Variants in ZNF69 observed in about 807,000 individuals in gnomAD.
ZNF69 encodes the protein zinc finger protein 69.
A neutral mutation model predicts 50.9 loss-of-function variants in ZNF69; 47 were observed. The ratio of observed to expected loss-of-function variants is 0.92; its 90% CI spans 0.73 to 1.18. The LOEUF (loss-of-function observed/expected upper bound fraction) is 1.18, where lower values mean the gene tolerates loss of function less well. Ranked by LOEUF, ZNF69 falls within the 50% of genes most tolerant of loss-of-function variation. ZNF69 has a pLI of 0.00. For synonymous variants in ZNF69, 216 were observed against 223.1 expected, an observed-to-expected ratio of 0.97 and a Z score of 0.29; for missense variants, 717 against 675.1, an observed-to-expected ratio of 1.06 and a Z score of -0.69.
At position 11,904,044 on chromosome 19, in the gene ZNF69, G is replaced by T. The variant is rs183559735; in HGVS notation, c.251+79G>T. The T allele has an allele frequency of 4.5e-5, 67 of 1,477,076 alleles. No homozygotes were observed. In the East Asian group the frequency reaches 1.3e-3, roughly 28 times the overall value. 91.5% of individuals were successfully genotyped at this position (1,477,076 alleles called of 1,614,324 possible). Reference sequence around the variant, plus strand: ...GACAATATATTAAAAATAAGTAAAAGAACTAAGTCCAGGATCAAATACATT... The same window carrying T: ...GACAATATATTAAAAATAAGTAAAATAACTAAGTCCAGGATCAAATACATT... On this transcript the variant is annotated intron_variant, in intron 3 of 3. Transcript: ENST00000429654.
the ZNF69 span, among the ~76,000 whole-genome samples, chr19:11,976,342 A>G: frequency 1.3e-5 from 2 of 151,914 alleles, no homozygotes; most frequent in East Asian, 1.9e-4. Flanking sequence ...GTGAATGCAC[A>G]CATTTTCCCA....
chr19:11,969,987 C>T, the ZNF69 span, among the ~76,000 whole-genome samples: 1 of 152,182 alleles, frequency 6.6e-6, no homozygotes, highest in Admixed American at 6.5e-5. Context: ...GCCATGTCTC[C>T]TGGAGGGTCT....
At chr19:11,911,236 T>C (rs1166008466), downstream of ZNF69, among the ~76,000 whole-genome samples, 1 of 152,158 alleles carries the variant, frequency 6.6e-6, no homozygotes, top group Non-Finnish European at 1.5e-5. Context: ...GACTGTAAAC[T>C]AGTTCAACCA....
the ZNF69 span, among the ~76,000 whole-genome samples, chr19:11,925,502 C>T: frequency 9.2e-5 from 14 of 152,264 alleles, no homozygotes; most frequent in African/African-American, 3.4e-4. Flanking sequence ...GGCCGCGGCC[C>T]CTGCCCCGGA....
chr19:11,904,971 T>TGTG lies in ZNF69; in HGVS notation c.574_575insGTG (p.Tyr192delinsCysAsp). ...AAGGGATCACACTGGAGAGAAACCCTATGCTTGTAAAGAATGTGGAAAAAC... is the reference window on the plus strand; with the variant it reads ...AAGGGATCACACTGGAGAGAAACCCTGTGATGCTTGTAAAGAATGTGGAAAAAC... On this transcript the variant is annotated protein_altering_variant, in exon 4 of 4. Transcript: ENST00000429654. 6.2e-7 allele frequency: 1 copy of TGTG among 1,614,210 alleles called. No individual in the cohort carries two copies. Among genetic ancestry groups the TGTG allele is most frequent in the Non-Finnish European group, 8.5e-7 (1 of 1,180,030 alleles).
Position 11,905,041 on chromosome 19 carries a change from GT to G in ZNF69, c.645del (p.Ser215ArgfsTer137). 6.2e-7 allele frequency: 1 copy of G among 1,614,166 alleles called. No individual in the cohort carries two copies. The highest frequency in any genetic ancestry group is 8.5e-7 in the Non-Finnish European group (1 of 1,180,022). ...SSIQRHVVMH[S>X]GDGPYKCKFC... Reference sequence around the variant, plus strand: ...ATTCAAAGACACGTGGTAATGCACAGTGGGGATGGACCTTATAAATGTAAAT... The same window carrying G: ...ATTCAAAGACACGTGGTAATGCACAGGGGGATGGACCTTATAAATGTAAAT... On this transcript the variant is annotated frameshift_variant, in exon 4 of 4. Transcript: ENST00000429654. LOFTEE classifies it high-confidence loss of function.
chr19:11,926,216 T>G, the ZNF69 span, among the ~76,000 whole-genome samples: 70 of 152,190 alleles, frequency 4.6e-4, 1 homozygote, highest in Admixed American at 2.0e-4. Flanking sequence ...TGTAAGTTAG[T>G]ATCTTCTTGC....
chr19:11,958,298 T>A, the ZNF69 span, among the ~76,000 whole-genome samples: 1 of 152,170 alleles, frequency 6.6e-6, no homozygotes, highest in South Asian at 2.1e-4. Context: ...CAGGTCTAGA[T>A]GCAGTTGCTG....
downstream of ZNF69, among the ~76,000 whole-genome samples, chr19:11,919,003 C>A (rs867773424): frequency 6.6e-6 from 1 of 151,818 alleles, no homozygotes; most frequent in Non-Finnish European, 1.5e-5. Context: ...TCACGCCATT[C>A]TCCTGCCTCA....
At chr19:11,898,989 CTT>C in intron 1 of ZNF69, among the ~76,000 whole-genome samples, 1 of 152,300 alleles carries the variant, frequency 6.6e-6, no homozygotes, top group South Asian at 2.1e-4. Context: ...AGGCTTCACT[CTT>C]TGTGTTCTGT....
chr19:11,919,530 T>C, the ZNF69 span, among the ~76,000 whole-genome samples: 9 of 152,066 alleles, frequency 5.9e-5, no homozygotes, highest in African/African-American at 2.2e-4. Flanking sequence ...GGCCGAGGCA[T>C]GAGGATCCCT....
chr19:11,977,220 C>T, the ZNF69 span: 1 of 1,609,470 alleles, frequency 6.2e-7, no homozygotes, highest in Middle Eastern at 1.7e-4. Flanking sequence ...GTTTCTAGCT[C>T]ATGAATGCTG....
chr19:11,925,085 C>A, the ZNF69 span: 1 of 1,094,868 alleles, frequency 9.1e-7, no homozygotes. Flanking sequence ...ACAGTTCATC[C>A]GGAAATGGAG....
At chr19:11,957,853 A>G in the ZNF69 span, among the ~76,000 whole-genome samples, 1 of 152,058 alleles carries the variant, frequency 6.6e-6, no homozygotes, top group Non-Finnish European at 1.5e-5. Flanking sequence ...AAAAAAAGAA[A>G]AAAGTTCAGG....
At chr19:11,925,281 T>C in the ZNF69 span, 1 of 1,611,500 alleles carries the variant, frequency 6.2e-7, no homozygotes. Context: ...ATGGTGCGTG[T>C]GCGGGACCAG....
chr19:11,915,611 T>C (rs940590214), downstream of ZNF69, among the ~76,000 whole-genome samples: 2 of 152,080 alleles, frequency 1.3e-5, no homozygotes, highest in Admixed American at 6.6e-5. Context: ...AGAGTGACCA[T>C]TGAAAGCTCA....
At chr19:11,922,657 T>G in the ZNF69 span, among the ~76,000 whole-genome samples, 1 of 35,024 alleles carries the variant, frequency 2.9e-5, no homozygotes, top group Non-Finnish European at 5.3e-5. Flanking sequence ...TTCCATTGAC[T>G]GCAAGGAGGT....
In ZNF69 at chr19:11,903,594, G is replaced by A. The variant is rs548133081; in HGVS notation, c.85G>A (p.Val29Ile). The change falls in exon 2 of 4, where the codon GTT becomes ATT. Residue 29 changes from valine (V) to isoleucine (I), a missense_variant. Coordinates refer to ENST00000429654, the MANE Select transcript of ZNF69 (RefSeq NM_001364730.1). Reference sequence around the variant, plus strand: ...TCAGGACCCAGTGGCCTTTGATGATGTTGCTGTGAACTTCACCCAGGAGGA... The same window carrying A: ...TCAGGACCCAGTGGCCTTTGATGATATTGCTGTGAACTTCACCCAGGAGGA... ...QEMDPVAFDD[V>I]AVNFTQEEWA... The A allele has an allele frequency of 8.3e-5, 134 of 1,613,990 alleles. 1 individual carries two copies. Among genetic ancestry groups the A allele is most frequent in the Middle Eastern group, 4.9e-4 (3 of 6,084 alleles).
the ZNF69 span, chr19:11,925,243 G>A: frequency 3.8e-5 from 62 of 1,613,206 alleles, no homozygotes; most frequent in South Asian, 4.9e-4. Context: ...GCTGTAGAGA[G>A]GACCCCGGTA....
Sources: gnomAD v4.1 joint callset for allele counts (sites outside exome capture counted in the v4.1 genomes callset) on GRCh38, gnomAD v4.1.1 for gene constraint, MANE v1.5 for transcripts, NCBI Gene and HGNC (gene_info 2026-07-23, HGNC 2026-07-21) for gene names.